FBXO38: variants seen among roughly 807,000 people sequenced by gnomAD.
FBXO38 encodes the protein F-box only protein 38.
FBXO38 carries 53 observed loss-of-function variants against 131.9 expected under a neutral mutation model. The ratio of observed to expected loss-of-function variants is 0.40; its 90% confidence interval spans 0.32 to 0.51. The LOEUF (loss-of-function observed/expected upper bound fraction) is 0.51, where lower values mean the gene tolerates loss of function less well. Among genes scored for constraint, FBXO38 ranks in the 20% least tolerant of loss-of-function variants. The pLI is 0.53. For missense variants in FBXO38, 1,076 were observed against 1,475.6 expected (o/e 0.73, Z 4.44); for synonymous variants, 452 against 505.6 (o/e 0.89, Z 1.42).
At chr5:148,385,411 G>C (rs184907901) in intron 1 of FBXO38, among the ~76,000 whole-genome samples, 39 of 152,182 alleles carry the variant, frequency 2.6e-4, no homozygotes, top group Non-Finnish European at 4.9e-4. Context: ...AAAATTGGTG[G>C]TATACTAAAA....
chr5:148,396,183 GA>G (rs1315074628), intron 2 of FBXO38, among the ~76,000 whole-genome samples: 1 of 151,902 alleles, frequency 6.6e-6, no homozygotes, highest in African/African-American at 2.4e-5. Flanking sequence ...TAAAATGATA[GA>G]TTTTTTTTTT....
intron 21 of FBXO38, 39 bp from the exon 22 acceptor site, chr5:148,441,930 T>TTATCATATG: frequency 1.1e-5 from 17 of 1,559,656 alleles, no homozygotes; most frequent in Non-Finnish European, 1.5e-5. Context: ...ATGATTCTGA[T>TTATCATATG]TATCATATGT....
chr5:148,391,853 C>G (rs1450495883), intron 1 of FBXO38, among the ~76,000 whole-genome samples: 1 of 152,084 alleles, frequency 6.6e-6, no homozygotes, highest in Non-Finnish European at 1.5e-5. Flanking sequence ...TCAAAGGTTA[C>G]CGGTTAATAT....
intron 1 of FBXO38, among the ~76,000 whole-genome samples, chr5:148,391,579 G>A (rs897387463): frequency 6.6e-6 from 1 of 152,210 alleles, no homozygotes. Flanking sequence ...GAACTAAGAA[G>A]ATACTGGTCT....
intron 6 of FBXO38, among the ~76,000 whole-genome samples, 159 bp downstream of exon 6, chr5:148,404,981 A>G (rs1752358764): frequency 6.6e-6 from 1 of 151,506 alleles, no homozygotes; most frequent in African/African-American, 2.4e-5. Context: ...TTTTGTTTTA[A>G]AGACATTAGA....
chr5:148,403,790 T>C (rs1196380797), intron 5 of FBXO38, among the ~76,000 whole-genome samples: 5 of 152,220 alleles, frequency 3.3e-5, no homozygotes, highest in African/African-American at 1.2e-4. Context: ...TCTCTAGTTA[T>C]TCTTGCTAGC....
chr5:148,385,897 TGA>T (rs1283870118), intron 1 of FBXO38, among the ~76,000 whole-genome samples: 3 of 151,908 alleles, frequency 2.0e-5, no homozygotes, highest in Non-Finnish European at 4.4e-5. Context: ...AAGTTTCAAG[TGA>T]GAGGGGGTAT....
chr5:148,441,978 A>G lies in FBXO38; in HGVS notation c.3398A>G (p.Tyr1133Cys). ...ATTTCTAATTTCAAAGGCACTATCT[A>G]TGCTCCTAGAAGGAAAGGACAGCTG... ...DFEDDEESTIYAPRRKGQLSA... is the reference protein window; with the variant it reads ...DFEDDEESTICAPRRKGQLSA... Residue 1133 changes from tyrosine (Y) to cysteine (C), a missense_variant, in exon 22 of 22, where the codon TAT (tyrosine) becomes TGT (cysteine). Physicochemically the swap from Tyr to Cys is radical, Grantham distance 194. Transcript: ENST00000340253. The G allele has an allele frequency of 1.2e-6, 2 of 1,612,442 alleles. No homozygotes were observed. Among genetic ancestry groups the G allele is most frequent in the Non-Finnish European group, 1.7e-6 (2 of 1,179,310 alleles).
intron 1 of FBXO38, among the ~76,000 whole-genome samples, chr5:148,393,419 C>T (rs576274545): frequency 6.6e-6 from 1 of 151,934 alleles, no homozygotes. Flanking sequence ...CTTAAAGTAC[C>T]CTCTGCCCAC....
intron 9 of FBXO38, 45 bp downstream of exon 9, chr5:148,410,810 T>C: frequency 6.5e-7 from 1 of 1,548,154 alleles, no homozygotes; most frequent in Non-Finnish European, 8.7e-7. Context: ...TGTAAGAAAT[T>C]TACTTGACAA....
intron 8 of FBXO38, 24 bp from the exon 9 acceptor site, chr5:148,410,611 T>C (rs759432206): frequency 1.9e-6 from 3 of 1,613,434 alleles, no homozygotes; most frequent in Non-Finnish European, 2.5e-6. Flanking sequence ...TTTACTCTGA[T>C]ATGTTCTCTG....
chr5:148,430,167 T>TTTA (rs1467466755), intron 15 of FBXO38: 1 of 148,370 alleles, frequency 6.7e-6, no homozygotes. Flanking sequence ...TATTTTTTTT[T>TTTA]TTTTTGAGAC....
chr5:148,440,178 G>A (rs1027576201), intron 19 of FBXO38, among the ~76,000 whole-genome samples: 4 of 152,130 alleles, frequency 2.6e-5, no homozygotes, highest in Non-Finnish European at 5.9e-5. Context: ...TTGTGTAGAA[G>A]ACATATGCTT....
chr5:148,397,221 C>A (rs1758527577), intron 2 of FBXO38, among the ~76,000 whole-genome samples: 2 of 152,130 alleles, frequency 1.3e-5, no homozygotes, highest in Non-Finnish European at 1.5e-5. Context: ...GAAACCTAAT[C>A]TTTGCTGTCC....
chr5:148,414,399 A>C, intron 10 of FBXO38, 93 bp downstream of exon 10: 1 of 1,134,076 alleles, frequency 8.8e-7, no homozygotes, highest in Non-Finnish European at 1.2e-6. Context: ...TGCATTCCTA[A>C]TGTAAAATGT....
intron 12 of FBXO38, among the ~76,000 whole-genome samples, chr5:148,418,230 T>G (rs1225308283): frequency 6.6e-6 from 1 of 152,160 alleles, no homozygotes; most frequent in African/African-American, 2.4e-5. Context: ...TTGAGACACT[T>G]TATTCTCTTG....
At chr5:148,434,806 C>G (rs184877569) in intron 17 of FBXO38, 2 of 152,240 alleles carry the variant, frequency 1.3e-5, no homozygotes, top group Admixed American at 1.3e-4. Context: ...AAAAACACTT[C>G]ATTGGCCAGG....
intron 13 of FBXO38, 80 bp downstream of exon 13, chr5:148,424,197 G>T (rs1416585976): frequency 7.1e-7 from 1 of 1,415,348 alleles, no homozygotes; most frequent in Non-Finnish European, 9.6e-7. Context: ...CAGCGAGAAT[G>T]ATTGTTTTCT....
chr5:148,384,467 A>C (rs894875237), intron 1 of FBXO38, among the ~76,000 whole-genome samples: 1 of 152,176 alleles, frequency 6.6e-6, no homozygotes, highest in Non-Finnish European at 1.5e-5. Context: ...GTCCCTGAGC[A>C]GGAAGCAGTG....
Sources: allele counts gnomAD v4.1 joint callset (sites outside exome capture counted in the v4.1 genomes callset), GRCh38; gene constraint gnomAD v4.1.1; transcripts MANE v1.5; gene names NCBI Gene and HGNC (gene_info 2026-07-23, HGNC 2026-07-21).